Variants in NCOR2 observed in about 807,000 individuals in gnomAD.
NCOR2 encodes nuclear receptor corepressor 2.
In NCOR2, 81 loss-of-function variants were observed where a neutral mutation model predicts 262.9. That is an observed-to-expected ratio of 0.31 (90% CI 0.26 to 0.37). The LOEUF (loss-of-function observed/expected upper bound fraction) is 0.37. NCOR2 is among the 10% of genes least tolerant of loss of function. The pLI, the probability that NCOR2 is intolerant of heterozygous loss-of-function variation, is 1.00. For synonymous variants in NCOR2, 1,659 were observed against 1,559.3 expected, an observed-to-expected ratio of 1.06 and a Z score of -1.51; for missense variants, 3,385 against 3,621.4, an observed-to-expected ratio of 0.93 and a Z score of 1.68.
chr12:124,347,682 C>G, intron 30 of NCOR2, 143 bp downstream of exon 32: 2 of 773,056 alleles, frequency 2.6e-6, no homozygotes, highest in Non-Finnish European at 4.3e-6. Flanking sequence ...AGCTCACGTA[C>G]TGATCATGTA....
exon 11 of NCOR2, chr12:124,426,727 T>C: frequency 6.2e-7 from 1 of 1,611,050 alleles, no homozygotes; most frequent in Non-Finnish European, 8.5e-7. Context: ...GTTGATGAAC[T>C]TGATGCGCTG....
chr12:124,378,310 G>A lies in NCOR2; in HGVS notation c.2094C>T (p.Pro698=), dbSNP rs776612196. The A allele has an allele frequency of 1.5e-5, 25 of 1,613,808 alleles. No homozygotes were observed. The highest frequency in any genetic ancestry group is 2.2e-5 in the East Asian group (1 of 44,900). ...CCTCCATCTCCTCATCCTCCACCAC[G>A]GGCGGGAATGCAGCCTCCTCGCTGG... Residue 698 remains proline (P), a synonymous_variant, in exon 18 of 47, where the codon CCC becomes CCT. Coordinates refer to ENST00000405201, the Ensembl canonical transcript of NCOR2. The surrounding 1 kb of genome is among the most constrained non-coding windows in gnomAD (Gnocchi z 4.2).
intron 1 of NCOR2, among the ~76,000 whole-genome samples, chr12:124,560,016 A>G (rs1175172784): frequency 2.0e-5 from 3 of 152,212 alleles, no homozygotes; most frequent in African/African-American, 7.2e-5. Flanking sequence ...AGCAAATTAT[A>G]ACCATGAGCA....
intron 3 of NCOR2, among the ~76,000 whole-genome samples, chr12:124,476,247 C>T (rs982825898): frequency 5.9e-5 from 9 of 152,226 alleles, no homozygotes; most frequent in African/African-American, 1.9e-4. Context: ...GACATCCCCA[C>T]GCCACCGCCC....
chr12:124,372,335 C>T (rs751961786), exon 20 of NCOR2: 32 of 1,519,952 alleles, frequency 2.1e-5, no homozygotes, highest in Non-Finnish European at 2.7e-5. Flanking sequence ...GGCGCTGCTG[C>T]GGTCTCCTCC....
At chr12:124,445,137 C>G (rs2045061341) in intron 7 of NCOR2, among the ~76,000 whole-genome samples, 1 of 152,166 alleles carries the variant, frequency 6.6e-6, no homozygotes, top group Non-Finnish European at 1.5e-5. Context: ...CCTGAGGGGG[C>G]CGGTGAACCA....
At chr12:124,437,246 G>A (rs1434646731) in intron 8 of NCOR2, among the ~76,000 whole-genome samples, 2 of 152,092 alleles carry the variant, frequency 1.3e-5, no homozygotes, top group African/African-American at 2.4e-5. Context: ...CTGAGTCCGC[G>A]CTTCTTCCCC....
intron 1 of NCOR2, among the ~76,000 whole-genome samples, chr12:124,562,644 G>A (rs1378516971): frequency 6.6e-6 from 1 of 152,196 alleles, no homozygotes; most frequent in African/African-American, 2.4e-5. Context: ...GCAGAGGCAG[G>A]GAGCTGAGCA....
intron 5 of NCOR2, among the ~76,000 whole-genome samples, chr12:124,459,809 T>A (rs1345120525): frequency 6.6e-6 from 1 of 152,168 alleles, no homozygotes; most frequent in African/African-American, 2.4e-5. Flanking sequence ...CCTGCCACCC[T>A]GAGCACCAAA....
intron 13 of NCOR2, among the ~76,000 whole-genome samples, chr12:124,408,558 C>T (rs1190181626): frequency 6.6e-6 from 1 of 151,860 alleles, no homozygotes; most frequent in Non-Finnish European, 1.5e-5. Context: ...CCAGCCTGGG[C>T]AACACAGTGA....
intron 16 of NCOR2, among the ~76,000 whole-genome samples, chr12:124,393,802 G>A (rs1167120163): frequency 6.6e-6 from 1 of 152,246 alleles, no homozygotes; most frequent in Non-Finnish European, 1.5e-5. Context: ...CTGCCTCCTA[G>A]TCAGGTTGGT....
intron 13 of NCOR2, among the ~76,000 whole-genome samples, chr12:124,407,789 A>G (rs957178403): frequency 1.3e-5 from 2 of 152,270 alleles, no homozygotes; most frequent in Non-Finnish European, 2.9e-5. Context: ...TTCACTGAGC[A>G]TCTACCATGT....
chr12:124,410,241 C>T (rs2042499884), intron 13 of NCOR2, among the ~76,000 whole-genome samples: 2 of 148,142 alleles, frequency 1.4e-5, no homozygotes, highest in South Asian at 4.9e-4. Flanking sequence ...TTTTCCACCT[C>T]CTTCTGCCTC....
intron 16 of NCOR2, among the ~76,000 whole-genome samples, chr12:124,392,056 G>A (rs1214202174): frequency 1.3e-5 from 2 of 152,192 alleles, no homozygotes; most frequent in African/African-American, 2.4e-5. Context: ...GTGTACACAC[G>A]CGTGTGGAGG....
intron 1 of NCOR2, among the ~76,000 whole-genome samples, chr12:124,516,741 G>A (rs899643869): frequency 4.0e-5 from 6 of 151,438 alleles, no homozygotes; most frequent in Non-Finnish European, 7.4e-5. Flanking sequence ...ACCTCAGTCC[G>A]GCCACTACAA....
intron 1 of NCOR2, among the ~76,000 whole-genome samples, chr12:124,501,050 GCGCGCACGCGCGCACACACACACACA>G (rs1201108540): frequency 3.3e-5 from 1 of 30,534 alleles, no homozygotes; most frequent in Non-Finnish European, 7.7e-5. Flanking sequence ...GCACGAGCGC[GCGCGCACGCGCGCACACACACACACA>G]CACACACACA....
rs375603339 is a variant in NCOR2, at chr12:124,479,773, C to T, written c.411+3823G>A. 2.0e-3 allele frequency among the ~76,000 whole-genome samples: 306 copies of T among 152,360 alleles called. 1 individual carries two copies. Among genetic ancestry groups the T allele is most frequent in the African/African-American group, 7.1e-3 (297 of 41,582 alleles). On this transcript the variant is annotated intron_variant, in intron 3 of 46. Coordinates refer to ENST00000405201, the Ensembl canonical transcript of NCOR2. Reference sequence around the variant, plus strand: ...TGCCAGGCAGAGGGAGGAGGGCACCCCACCAGGGAGACCAGAGGGGAGACC... The same window carrying T: ...TGCCAGGCAGAGGGAGGAGGGCACCTCACCAGGGAGACCAGAGGGGAGACC...
At chr12:124,451,490 G>A (rs2045531327) in intron 6 of NCOR2, among the ~76,000 whole-genome samples, 1 of 152,194 alleles carries the variant, frequency 6.6e-6, no homozygotes, top group Non-Finnish European at 1.5e-5. Flanking sequence ...CTGAATGACA[G>A]CCCGCCTCTC....
In NCOR2 at chr12:124,517,638, TC is replaced by T. The variant is rs2049895545; in HGVS notation, c.-118+17926del. On this transcript the variant is annotated intron_variant, in intron 1 of 46. Coordinates refer to the NCOR2 transcript ENST00000404621. This position sits in a 1 kb window ranked among gnomAD's most constrained non-coding sequence, Gnocchi z 7.6. ...CCCACGATCACATGCCCTCCTGAAG[TC>T]AACTCCGGGAACAGAAGCCCCCTGA... Among the ~76,000 whole-genome samples the T allele has an allele frequency of 1.3e-5, 2 of 152,002 alleles. No individual in the cohort carries two copies. Among genetic ancestry groups the T allele is most frequent in the Non-Finnish European group, 1.5e-5 (1 of 67,978 alleles).
Sources: gnomAD v4.1 joint callset for allele counts (sites outside exome capture counted in the v4.1 genomes callset) on GRCh38, gnomAD v4.1.1 for gene constraint, Gnocchi (gnomAD v3.1) non-coding constraint, MANE v1.5 for transcripts, NCBI Gene and HGNC (gene_info 2026-07-23, HGNC 2026-07-21) for gene names.